CSMD1: variants seen among roughly 807,000 people sequenced by gnomAD.
CSMD1 encodes the protein CUB and Sushi multiple domains 1, also known as CUB and sushi domain-containing protein 1.
CSMD1 carries 213 observed loss-of-function variants against 417.5 expected under a neutral mutation model. That is an observed-to-expected ratio of 0.51 (90% CI 0.46 to 0.57). The LOEUF (loss-of-function observed/expected upper bound fraction) is 0.57, where lower values mean the gene tolerates loss of function less well. Among genes scored for constraint, CSMD1 ranks in the 20% least tolerant of loss-of-function variants. The probability of loss-of-function intolerance (pLI) is 0.00; values close to 1 mark genes in which losing one functional copy is unlikely to be tolerated. For synonymous variants in CSMD1, 2,862 were observed against 1,736.8 expected, an observed-to-expected ratio of 1.65 and a Z score of -16.11; for missense variants, 6,923 against 4,529.7, an observed-to-expected ratio of 1.53 and a Z score of -15.17.
At chr8:3,089,561 A>G (rs907280933) in intron 48 of CSMD1, among the ~76,000 whole-genome samples, 4 of 152,206 alleles carry the variant, frequency 2.6e-5, no homozygotes, top group Admixed American at 6.5e-5. Context: ...TCATGTGACA[A>G]TATCATGGGC....
In CSMD1 at chr8:4,090,911, C is replaced by CT. The variant is rs34318541; in HGVS notation, c.416-58813dup. On this transcript the variant is annotated intron_variant, in intron 3 of 69. Transcript: ENST00000635120. Reference sequence around the variant, plus strand: ...CATTATTAGTAACATAAGGGGCAGTCTTTTTTTTTTTTTCTTTTCTTTTTT... The same window carrying CT: ...CATTATTAGTAACATAAGGGGCAGTCTTTTTTTTTTTTTTCTTTTCTTTTTT... Among the ~76,000 whole-genome samples the CT allele has an allele frequency of 6.2e-3, 902 of 144,490 alleles. 3 individuals carry two copies. The highest frequency in any genetic ancestry group is 9.1e-3 in the African/African-American group (359 of 39,504). The allele number at this position is 144,490 out of a possible 152,430, so 94.8% of individuals were successfully genotyped here.
At chr8:4,452,329 C>T (rs1799194547) in intron 2 of CSMD1, among the ~76,000 whole-genome samples, 1 of 152,166 alleles carries the variant, frequency 6.6e-6, no homozygotes, top group Non-Finnish European at 1.5e-5. Context: ...TTTTTGAAAG[C>T]AATGGCTCTA....
chr8:4,167,682 G>C (rs1188845317), intron 3 of CSMD1, among the ~76,000 whole-genome samples: 1 of 152,114 alleles, frequency 6.6e-6, no homozygotes, highest in Non-Finnish European at 1.5e-5. Context: ...TTGGTTATAT[G>C]ATCAATTTAA....
chr8:4,589,559 C>T (rs1010944615), intron 2 of CSMD1, among the ~76,000 whole-genome samples: 38 of 152,098 alleles, frequency 2.5e-4, no homozygotes, highest in African/African-American at 8.0e-4. Flanking sequence ...ATGTTAATGT[C>T]GACTCTATAA....
intron 29 of CSMD1, among the ~76,000 whole-genome samples, chr8:3,217,846 T>C (rs1043848104): frequency 2.6e-5 from 4 of 152,190 alleles, no homozygotes; most frequent in Non-Finnish European, 4.4e-5. Flanking sequence ...ATAAAATATG[T>C]TCTTTTTAAA....
intron 12 of CSMD1, among the ~76,000 whole-genome samples, chr8:3,438,916 G>C (rs190592181): frequency 2.1e-3 from 311 of 151,648 alleles, no homozygotes; most frequent in African/African-American, 7.0e-3. Context: ...AGGAGTTCAA[G>C]ATGAGTCTGG....
intron 3 of CSMD1, among the ~76,000 whole-genome samples, chr8:4,113,108 G>C (rs553565307): frequency 5.9e-5 from 9 of 152,230 alleles, no homozygotes; most frequent in Non-Finnish European, 1.2e-4. Flanking sequence ...AATGTGGTGT[G>C]TGTTCTTACT....
intron 36 of CSMD1, among the ~76,000 whole-genome samples, chr8:3,181,728 A>G (rs1031936278): frequency 3.3e-5 from 5 of 152,166 alleles, no homozygotes; most frequent in African/African-American, 9.7e-5. Flanking sequence ...GATGATTTCA[A>G]CTAAAGATGC....
At position 3,042,372 on chromosome 8, in the gene CSMD1, T is replaced by A. The variant is rs545953977; in HGVS notation, c.7660+10090A>T. Among the ~76,000 whole-genome samples, 4 of 152,258 alleles carry A rather than the reference T, an allele frequency of 2.6e-5. No homozygotes were observed. The East Asian group carries it at 7.7e-4, about 29-fold the overall frequency. On this transcript the variant is annotated intron_variant, in intron 50 of 69. Transcript: ENST00000635120. ...AACAGCCTCAGAAGAGAGAGGTGGA[T>A]ATGTACCTCCTATCTAGCACAGAGA...
At chr8:4,858,178 A>C (rs1190293054) in intron 1 of CSMD1, among the ~76,000 whole-genome samples, 1 of 149,298 alleles carries the variant, frequency 6.7e-6, no homozygotes, top group Non-Finnish European at 1.5e-5. Context: ...TGATTATCTC[A>C]ATAGATGCAG....
intron 6 of CSMD1, among the ~76,000 whole-genome samples, chr8:3,745,692 G>A (rs906527197): frequency 1.3e-5 from 2 of 152,206 alleles, no homozygotes; most frequent in Non-Finnish European, 2.9e-5. Flanking sequence ...AGCTGCTGGA[G>A]TAAGGACGTT....
intron 2 of CSMD1, among the ~76,000 whole-genome samples, chr8:4,552,477 T>C (rs747311958): frequency 2.0e-5 from 3 of 152,098 alleles, no homozygotes; most frequent in Admixed American, 6.6e-5. Context: ...AACAGATTTA[T>C]TGGGTGGGAA....
At chr8:4,866,948 C>G (rs1020933970) in intron 1 of CSMD1, among the ~76,000 whole-genome samples, 1 of 151,930 alleles carries the variant, frequency 6.6e-6, no homozygotes, top group Non-Finnish European at 1.5e-5. Flanking sequence ...TTTGCACCAA[C>G]CTATATGGAA....
At chr8:3,686,735 C>T (rs1290010700) in intron 7 of CSMD1, among the ~76,000 whole-genome samples, 2 of 152,224 alleles carry the variant, frequency 1.3e-5, no homozygotes, top group African/African-American at 2.4e-5. Flanking sequence ...CCACGTTTCA[C>T]AAGCAAATAT....
intron 2 of CSMD1, among the ~76,000 whole-genome samples, chr8:4,438,194 G>T (rs113675543): frequency 3.3e-5 from 5 of 152,144 alleles, no homozygotes; most frequent in Non-Finnish European, 7.4e-5. Context: ...TAAACATTGA[G>T]ATCGATCTGC....
At chr8:4,773,480 G>C (rs12548690) in intron 1 of CSMD1, among the ~76,000 whole-genome samples, 3 of 152,068 alleles carry the variant, frequency 2.0e-5, no homozygotes. Flanking sequence ...GATTCTTTGT[G>C]TTCATGGATA....
chr8:3,461,621 C>G (rs1398133608), intron 12 of CSMD1, among the ~76,000 whole-genome samples: 1 of 152,224 alleles, frequency 6.6e-6, no homozygotes, highest in Non-Finnish European at 1.5e-5. Flanking sequence ...AAACTGTAAG[C>G]TATCCCTGTG....
At chr8:3,923,198 T>C (rs140340367) in intron 5 of CSMD1, among the ~76,000 whole-genome samples, 2,903 of 152,230 alleles carry the variant, frequency 0.019, 62 homozygotes, top group Non-Finnish European at 0.024. Flanking sequence ...AATGAGTGGC[T>C]GACTCTGGAG....
At chr8:4,101,313 C>T (rs1264615624) in intron 3 of CSMD1, among the ~76,000 whole-genome samples, 1 of 152,168 alleles carries the variant, frequency 6.6e-6, no homozygotes, top group South Asian at 2.1e-4. Context: ...TTCACTTGAA[C>T]AGCTGTGGAA....
Sources: allele counts gnomAD v4.1 joint callset (sites outside exome capture counted in the v4.1 genomes callset), GRCh38; gene constraint gnomAD v4.1.1; transcripts MANE v1.5; gene names NCBI Gene and HGNC (gene_info 2026-07-23, HGNC 2026-07-21).